DIMT1: variants seen among roughly 807,000 people sequenced by gnomAD.
DIMT1 encodes DIM1 rRNA methyltransferase and ribosome maturation factor.
A neutral mutation model predicts 43.2 loss-of-function variants in DIMT1; 36 were observed. That is an observed-to-expected ratio of 0.83 (90% CI 0.64 to 1.10). The LOEUF (loss-of-function observed/expected upper bound fraction) is 1.10, where lower values mean the gene tolerates loss of function less well. Among genes scored for constraint, DIMT1 ranks in the 50% least tolerant of loss-of-function variants. The pLI is 0.00. For synonymous variants in DIMT1, 126 were observed against 130.3 expected (o/e 0.97, Z 0.22); for missense variants, 341 against 385.3 (o/e 0.88, Z 0.96).
At chr5:62,396,781 G>A (rs973628357) in intron 6 of DIMT1, among the ~76,000 whole-genome samples, 2 of 152,098 alleles carry the variant, frequency 1.3e-5, no homozygotes, top group Non-Finnish European at 2.9e-5. Flanking sequence ...AAAAAAAACT[G>A]TTGCTATGAC....
chr5:62,390,969 T>C lies in DIMT1; in HGVS notation c.806A>G (p.Asp269Gly). 1 of 1,613,330 alleles carries C rather than the reference T, an allele frequency of 6.2e-7. No homozygotes were observed. Among genetic ancestry groups the C allele is most frequent in the Non-Finnish European group, 8.5e-7 (1 of 1,179,680 alleles). Reference protein sequence around the residue: ...CSVHNIIIPEDFSIADKIQQI... With the variant: ...CSVHNIIIPEGFSIADKIQQI... ...CTGTATTTTATCTGCTATGCTGAAA[T>C]CTTCTGGTATTATCTATCAATATAA... is the stretch of plus-strand genomic sequence containing the variant. The change falls in exon 11 of 12, where the codon GAT becomes GGT. Residue 269 changes from aspartate (D) to glycine (G), a missense_variant. Transcript: ENST00000199320.
At chr5:62,389,673 C>CA (rs1742208474) in intron 11 of DIMT1, among the ~76,000 whole-genome samples, 3 of 152,044 alleles carry the variant, frequency 2.0e-5, no homozygotes, top group African/African-American at 7.3e-5. Flanking sequence ...GGTAACTGAA[C>CA]AAGAAGCTGT....
At chr5:62,394,249 T>C (rs1742403699) in intron 7 of DIMT1, among the ~76,000 whole-genome samples, 1 of 152,196 alleles carries the variant, frequency 6.6e-6, no homozygotes, top group East Asian at 1.9e-4. Context: ...GATGGATCAT[T>C]GAGCCCAGGA....
chr5:62,398,440 T>C, intron 6 of DIMT1, 71 bp downstream of exon 6: 1 of 1,481,252 alleles, frequency 6.8e-7, no homozygotes, highest in Non-Finnish European at 9.4e-7. Flanking sequence ...TGACTCATTT[T>C]TGGCTATGTT....
At chr5:62,391,844 T>C in intron 10 of DIMT1, 1 of 1,463,028 alleles carries the variant, frequency 6.8e-7, no homozygotes, top group Non-Finnish European at 9.0e-7. Context: ...ACTACACAAT[T>C]ATTTTAAGTT....
At position 62,393,960 on chromosome 5, in the gene DIMT1, AATT is replaced by A; in HGVS notation, c.655_657del (p.Asn219del). 1 of 1,607,342 alleles carries A rather than the reference AATT, an allele frequency of 6.2e-7. No individual in the cohort carries two copies. Among genetic ancestry groups the A allele is most frequent in the South Asian group, 1.1e-5 (1 of 89,304 alleles). On this transcript the variant is annotated inframe_deletion, in exon 8 of 12. Coordinates refer to ENST00000199320, the MANE Select transcript of DIMT1 (RefSeq NM_014473.4). ...AGCTAGTATTTTAACCTCACCTGAA[AATT>A]GATGGGTGGTGGTGGATTCTTAGGT... is the stretch of plus-strand genomic sequence containing the variant.
rs1347864837 is a variant in DIMT1 at position 62,391,921 on chromosome 5, T to C, written c.792+250A>G. ...TGCTGAATCTGATTCTTGTTATGGC[T>C]AAAAACAACTGTCAGTAGTTAGAGG... On this transcript the variant is annotated intron_variant, in intron 10 of 11. Transcript: ENST00000199320. 4.6e-6 allele frequency: 7 copies of C among 1,534,848 alleles called. No individual in the cohort carries two copies. In the African/African-American group the frequency reaches 6.8e-5, roughly 15 times the overall value.
intron 3 of DIMT1, among the ~76,000 whole-genome samples, chr5:62,400,759 G>T (rs939845254): frequency 1.3e-5 from 2 of 151,942 alleles, no homozygotes; most frequent in East Asian, 1.9e-4. Flanking sequence ...TCTATCTTTA[G>T]TTTTATTTTT....
At chr5:62,402,540 T>C (rs904048126) in intron 2 of DIMT1, among the ~76,000 whole-genome samples, 1 of 152,226 alleles carries the variant, frequency 6.6e-6, no homozygotes, top group Non-Finnish European at 1.5e-5. Flanking sequence ...GAGCAGAAAC[T>C]GTACACAAAA....
intron 9 of DIMT1, 27 bp from the exon 10 acceptor site, chr5:62,392,261 GTTA>G (rs1457364764): frequency 7.5e-6 from 12 of 1,592,674 alleles, no homozygotes; most frequent in South Asian, 1.1e-5. Flanking sequence ...TGATGCCACT[GTTA>G]TTATTCCAAA....
intron 10 of DIMT1, chr5:62,391,730 C>T: frequency 7.5e-7 from 1 of 1,329,930 alleles, no homozygotes; most frequent in South Asian, 2.1e-5. Context: ...GCTATTGAGC[C>T]ATATGAACTT....
chr5:62,403,377 T>G (rs1251579622), intron 1 of DIMT1, 31 bp from the exon 2 acceptor site: 2 of 1,599,306 alleles, frequency 1.3e-6, no homozygotes, highest in Non-Finnish European at 1.7e-6. Flanking sequence ...GCATTAATTT[T>G]CCTACTGAGA....
intron 6 of DIMT1, among the ~76,000 whole-genome samples, chr5:62,397,562 A>T (rs1209551903): frequency 6.6e-6 from 1 of 152,220 alleles, no homozygotes; most frequent in East Asian, 1.9e-4. Flanking sequence ...GTGCCACTGT[A>T]GGCTTCATCT....
intron 3 of DIMT1, among the ~76,000 whole-genome samples, chr5:62,399,790 C>G (rs1742635752): frequency 6.6e-6 from 1 of 152,028 alleles, no homozygotes; most frequent in South Asian, 2.1e-4. Context: ...CCTGTAATCC[C>G]AGCTACTCAG....
intron 2 of DIMT1, among the ~76,000 whole-genome samples, chr5:62,402,632 TA>T (rs1742747068): frequency 1.3e-5 from 2 of 152,192 alleles, no homozygotes; most frequent in African/African-American, 4.8e-5. Flanking sequence ...CTAAAAAGGT[TA>T]AAATAGTACA....
intron 2 of DIMT1, 56 bp from the exon 3 acceptor site, chr5:62,402,178 A>T (rs1742731665): frequency 6.5e-7 from 1 of 1,540,964 alleles, no homozygotes; most frequent in Non-Finnish European, 9.0e-7. Flanking sequence ...CACAGAAGTT[A>T]ATTTACACCT....
chr5:62,390,917 A>G lies in DIMT1; in HGVS notation c.858T>C (p.Ser286=), dbSNP rs778093735. Reference sequence around the variant, plus strand: ...TGTCCATGGAACGGGCCCGTTTGTCACTAAAACCTGTGCTGGTTAGGATTT... The same window carrying G: ...TGTCCATGGAACGGGCCCGTTTGTCGCTAAAACCTGTGCTGGTTAGGATTT... ...IQQILTSTGF[S]DKRARSMDID... is the part of the protein sequence containing the mutation. The change falls in exon 11 of 12, where the codon AGT becomes AGC. Residue 286 remains serine, a synonymous_variant. Coordinates refer to ENST00000199320, the MANE Select transcript of DIMT1 (RefSeq NM_014473.4). 2.5e-6 allele frequency: 4 copies of G among 1,612,292 alleles called. No homozygotes were observed. The highest frequency in any genetic ancestry group is 3.3e-5 in the Admixed American group (2 of 60,000).
intron 11 of DIMT1, among the ~76,000 whole-genome samples, chr5:62,390,431 T>A (rs1286863417): frequency 6.6e-6 from 1 of 152,232 alleles, no homozygotes; most frequent in Admixed American, 6.5e-5. Flanking sequence ...ACTGGCATTA[T>A]TGTATGCTTA....
At chr5:62,397,075 G>A (rs973897430) in intron 6 of DIMT1, among the ~76,000 whole-genome samples, 16 of 152,190 alleles carry the variant, frequency 1.1e-4, no homozygotes, top group Admixed American at 2.6e-4. Flanking sequence ...TCAGCCTCCC[G>A]AGTAGCTGGG....
Sources: allele counts gnomAD v4.1 joint callset (sites outside exome capture counted in the v4.1 genomes callset), GRCh38; gene constraint gnomAD v4.1.1; transcripts MANE v1.5; gene names NCBI Gene and HGNC (gene_info 2026-07-23, HGNC 2026-07-21).